GSAP: variants seen among roughly 807,000 people sequenced by gnomAD.
GSAP encodes the protein gamma-secretase-activating protein.
A neutral mutation model predicts 131.7 loss-of-function variants in GSAP; 118 were observed. That is an observed-to-expected ratio of 0.90 (90% CI 0.77 to 1.04). The LOEUF is 1.04. GSAP is among the 50% of genes least tolerant of loss of function. The pLI is 0.00. For missense variants in GSAP, 1,019 were observed against 1,013.2 expected, an observed-to-expected ratio of 1.01 and a Z score of -0.08; for synonymous variants, 381 against 363.4, an observed-to-expected ratio of 1.05 and a Z score of -0.55.
intron 1 of GSAP, 146 bp downstream of exon 1, chr7:77,416,067 G>A: frequency 2.0e-6 from 1 of 491,074 alleles, no homozygotes; most frequent in Middle Eastern, 5.5e-4. Context: ...AGCCAAAACA[G>A]CCCTCTGAGG....
At chr7:77,381,805 A>G (rs148398057) in intron 7 of GSAP, among the ~76,000 whole-genome samples, 2 of 152,184 alleles carry the variant, frequency 1.3e-5, no homozygotes, top group African/African-American at 4.8e-5. Context: ...GCATTTTAAT[A>G]GAGGTCAATT....
intron 12 of GSAP, among the ~76,000 whole-genome samples, chr7:77,363,574 A>C (rs762426073): frequency 3.3e-5 from 5 of 152,206 alleles, no homozygotes; most frequent in African/African-American, 7.2e-5. Context: ...TTCCTTCATT[A>C]GTTTCTTTAT....
chr7:77,416,084 G>A (rs1804383843), intron 1 of GSAP, 129 bp downstream of exon 1: 1 of 523,316 alleles, frequency 1.9e-6, no homozygotes, highest in Admixed American at 4.3e-5. Flanking sequence ...GAGGAGGGGA[G>A]CGACGCCCTC....
At position 77,416,277 on chromosome 7, in the gene GSAP, C is replaced by G. The variant is rs1418807316; in HGVS notation, c.45G>C (p.Val15=). Reference sequence around the variant, plus strand: ...CCCGCTGCGCCCGCAACCACGGGAGCACGTCCTTCCCGAGGTCGAAGTCGG... The same window carrying G: ...CCCGCTGCGCCCGCAACCACGGGAGGACGTCCTTCCCGAGGTCGAAGTCGG... The part of the protein sequence containing the change: ...LVADFDLGKD[V]LPWLRAQRAV... Residue 15 remains valine, a synonymous_variant, in exon 1 of 31, where the codon GTG becomes GTC. Coordinates refer to ENST00000257626, the MANE Select transcript of GSAP (RefSeq NM_017439.4). 6.7e-7 allele frequency: 1 copy of G among 1,496,924 alleles called. No homozygotes were observed. The highest frequency in any genetic ancestry group is 1.3e-5 in the South Asian group (1 of 79,098). The allele number at this position is 1,496,924 out of a possible 1,614,324, so 92.7% of individuals were successfully genotyped here. A position where few individuals can be genotyped will look rare whatever the true frequency, so the allele number is the denominator to read the frequency against.
chr7:77,357,167 G>A (rs1793877935), intron 14 of GSAP, among the ~76,000 whole-genome samples: 1 of 152,202 alleles, frequency 6.6e-6, no homozygotes. Context: ...CATTGAGGTA[G>A]TGAGAGGGAG....
At chr7:77,412,935 T>C (rs1803550528) in intron 1 of GSAP, among the ~76,000 whole-genome samples, 1 of 152,168 alleles carries the variant, frequency 6.6e-6, no homozygotes, top group African/African-American at 2.4e-5. Context: ...GTGCACAGCC[T>C]ATGACTTAGC....
intron 11 of GSAP, among the ~76,000 whole-genome samples, chr7:77,374,738 G>A (rs954582595): frequency 1.3e-4 from 20 of 151,958 alleles, no homozygotes; most frequent in Non-Finnish European, 2.5e-4. Flanking sequence ...TTTGATGTTT[G>A]ATTGTCAATG....
At chr7:77,329,020 A>G (rs1303067086) in intron 21 of GSAP, among the ~76,000 whole-genome samples, 1 of 152,204 alleles carries the variant, frequency 6.6e-6, no homozygotes, top group Non-Finnish European at 1.5e-5. Flanking sequence ...CTTTAAAAAA[A>G]AAAAAAATCA....
At chr7:77,336,783 C>G (rs1290316683) in intron 19 of GSAP, among the ~76,000 whole-genome samples, 1 of 152,074 alleles carries the variant, frequency 6.6e-6, no homozygotes, top group Non-Finnish European at 1.5e-5. Flanking sequence ...CCACCGTGCC[C>G]AGCCAGTATC....
intron 5 of GSAP, among the ~76,000 whole-genome samples, chr7:77,393,674 CT>C (rs773138759): frequency 0.02 from 2,639 of 133,382 alleles, 31 homozygotes; most frequent in South Asian, 0.039. Context: ...TATATACTTT[CT>C]TTTTTTTTTT....
intron 5 of GSAP, among the ~76,000 whole-genome samples, chr7:77,393,496 G>C (rs1184252136): frequency 1.3e-5 from 2 of 151,826 alleles, no homozygotes; most frequent in African/African-American, 2.4e-5. Flanking sequence ...GTCAAACTGA[G>C]CAAGTCCAAA....
chr7:77,372,042 T>C (rs1796199598), intron 12 of GSAP, among the ~76,000 whole-genome samples: 1 of 152,212 alleles, frequency 6.6e-6, no homozygotes, highest in Admixed American at 6.5e-5. Context: ...ACAAATGAAG[T>C]TCACAACATC....
At chr7:77,357,106 G>A (rs373941313) in intron 14 of GSAP, among the ~76,000 whole-genome samples, 2 of 152,350 alleles carry the variant, frequency 1.3e-5, no homozygotes, top group South Asian at 2.1e-4. Flanking sequence ...CACTATGTCC[G>A]TGGGGTGGTG....
intron 5 of GSAP, among the ~76,000 whole-genome samples, chr7:77,390,857 G>A (rs1332010007): frequency 6.8e-6 from 1 of 147,820 alleles, no homozygotes; most frequent in African/African-American, 2.5e-5. Context: ...GCTAAGGCAG[G>A]AGACTCGCTT....
intron 22 of GSAP, chr7:77,327,611 AC>A (rs1788512353): frequency 7.6e-6 from 1 of 131,328 alleles, no homozygotes. Context: ...AGCCCATAAA[AC>A]AGGAGTGGGA....
intron 1 of GSAP, among the ~76,000 whole-genome samples, chr7:77,414,426 G>A (rs966297745): frequency 6.6e-6 from 1 of 152,194 alleles, no homozygotes; most frequent in Non-Finnish European, 1.5e-5. Context: ...ATTATCAGAG[G>A]TGATAATTCT....
At chr7:77,323,967 C>T (rs1175161752) in intron 23 of GSAP, among the ~76,000 whole-genome samples, 1 of 152,160 alleles carries the variant, frequency 6.6e-6, no homozygotes, top group Non-Finnish European at 1.5e-5. Flanking sequence ...CCCAAAGCCC[C>T]GTGAGCAACT....
At position 77,313,703 on chromosome 7, in the gene GSAP, ACT is replaced by A. The variant is rs149616603; in HGVS notation, c.2210-156_2210-155del. On this transcript the variant is annotated intron_variant, in intron 27 of 30. Transcript: ENST00000257626. ...ACAGCATTTTGGAAATTTTACTCTG[ACT>A]CTCTGAATAAAAAGGGATTTTTCTA... Among the ~76,000 whole-genome samples the A allele has an allele frequency of 9.9e-3, 1,506 of 152,278 alleles. 23 individuals carry two copies. The highest frequency in any genetic ancestry group is 0.032 in the African/African-American group (1,338 of 41,546).
intron 22 of GSAP, chr7:77,326,818 C>T (rs1272123510): frequency 6.6e-6 from 1 of 152,354 alleles, no homozygotes; most frequent in African/African-American, 2.4e-5. Context: ...GGTACCTTCT[C>T]CACCATGATT....
Sources: allele counts gnomAD v4.1 joint callset (sites outside exome capture counted in the v4.1 genomes callset), GRCh38; gene constraint gnomAD v4.1.1; transcripts MANE v1.5; gene names NCBI Gene and HGNC (gene_info 2026-07-23, HGNC 2026-07-21).